Variants in SLC15A2 observed in about 807,000 individuals in gnomAD.
SLC15A2 encodes the protein solute carrier family 15 member 2, also known as kidney H(+)/peptide cotransporter.
SLC15A2 carries 77 observed loss-of-function variants against 95.5 expected under a neutral mutation model. That is an observed-to-expected ratio of 0.81 (90% CI 0.67 to 0.97). SLC15A2 has a LOEUF of 0.97. Among genes scored for constraint, SLC15A2 ranks in the 50% least tolerant of loss-of-function variants. The pLI is 0.00. For synonymous variants in SLC15A2, 306 were observed against 306.9 expected, an observed-to-expected ratio of 1.00 and a Z score of 0.03; for missense variants, 893 against 874.4, an observed-to-expected ratio of 1.02 and a Z score of -0.27.
chr3:121,921,158 A>G (rs1709997651), intron 7 of SLC15A2, among the ~76,000 whole-genome samples: 2 of 152,268 alleles, frequency 1.3e-5, no homozygotes, highest in Admixed American at 1.3e-4. Flanking sequence ...CAAGAACAGA[A>G]ATAGTATAGA....
intron 18 of SLC15A2, 95 bp from the exon 19 acceptor site, chr3:121,931,544 A>C: frequency 1.3e-5 from 9 of 696,336 alleles, no homozygotes; most frequent in Non-Finnish European, 2.0e-5. Context: ...TGCTTTCCTC[A>C]CCATCAGTAG....
At chr3:121,908,798 C>G (rs1709705891) in intron 3 of SLC15A2, among the ~76,000 whole-genome samples, 1 of 152,094 alleles carries the variant, frequency 6.6e-6, no homozygotes, top group Admixed American at 6.5e-5. Context: ...TCCACATTAA[C>G]TTGTTCATGA....
At position 121,942,636 on chromosome 3, in the gene SLC15A2, C is replaced by T. The variant is rs752200009; in HGVS notation, c.*1629C>T. 2 of 152,178 alleles carry T rather than the reference C, an allele frequency of 1.3e-5. No individual in the cohort carries two copies. The highest frequency in any genetic ancestry group is 2.4e-5 in the African/African-American group (1 of 41,438). The allele number at this position is 152,178 out of a possible 1,614,324, so 9.4% of individuals were successfully genotyped here. On this transcript the variant is annotated 3_prime_UTR_variant, in exon 22 of 22. Transcript: ENST00000489711. Reference sequence around the variant, plus strand: ...TCTTGATGTGAACCTGACCCTACTCCTTTAGAAGACAGCCTGTTCATTTTT... The same window carrying T: ...TCTTGATGTGAACCTGACCCTACTCTTTTAGAAGACAGCCTGTTCATTTTT...
intron 8 of SLC15A2, among the ~76,000 whole-genome samples, chr3:121,922,541 G>T (rs540100131): frequency 2.6e-5 from 4 of 152,188 alleles, no homozygotes; most frequent in Non-Finnish European, 4.4e-5. Flanking sequence ...ATTATATATA[G>T]ACAGATAACA....
chr3:121,902,989 A>C (rs554529944), intron 3 of SLC15A2, among the ~76,000 whole-genome samples: 1 of 152,280 alleles, frequency 6.6e-6, no homozygotes, highest in South Asian at 2.1e-4. Context: ...AAGTGTTCCT[A>C]TTTCTCCACA....
rs1274111991 is a variant in SLC15A2, at chr3:121,894,429, C to G, written c.-48C>G. ...GTAGGCTGGCAGCTGTCCTAACTGC[C>G]TACTAAAGCCAAATGCTTGAGGAGA... is the stretch of plus-strand genomic sequence containing the variant. On this transcript the variant is annotated 5_prime_UTR_variant, in exon 1 of 22. Coordinates refer to ENST00000489711, the MANE Select transcript of SLC15A2 (RefSeq NM_021082.4). 1 of 1,500,518 alleles carries G rather than the reference C, an allele frequency of 6.7e-7. No individual in the cohort carries two copies. The highest frequency in any genetic ancestry group is 9.2e-7 in the Non-Finnish European group (1 of 1,087,556). The allele number at this position is 1,500,518 out of a possible 1,614,324, so 93.0% of individuals were successfully genotyped here. A position where few individuals can be genotyped will look rare whatever the true frequency, so the allele number is the denominator to read the frequency against.
At chr3:121,939,560 T>C in intron 20 of SLC15A2, 65 bp downstream of exon 20, 1 of 1,355,756 alleles carries the variant, frequency 7.4e-7, no homozygotes, top group South Asian at 1.7e-5. Context: ...ATTTTAATTC[T>C]AGCACTGACT....
At chr3:121,904,804 A>G (rs1212963790) in intron 3 of SLC15A2, among the ~76,000 whole-genome samples, 1 of 152,198 alleles carries the variant, frequency 6.6e-6, no homozygotes, top group African/African-American at 2.4e-5. Flanking sequence ...ATACTGGTCT[A>G]AAATTCTCTT....
chr3:121,914,878 A>G (rs1429157406), intron 5 of SLC15A2: 6 of 391,442 alleles, frequency 1.5e-5, no homozygotes, highest in Non-Finnish European at 1.8e-5. Flanking sequence ...AAAAAAAACC[A>G]CAAACACACA....
intron 15 of SLC15A2, among the ~76,000 whole-genome samples, 156 bp downstream of exon 15, chr3:121,928,711 T>C (rs548545463): frequency 2.4e-4 from 37 of 152,380 alleles, no homozygotes; most frequent in Non-Finnish European, 3.8e-4. Context: ...TCTATAGATA[T>C]ACCATAGTTT....
Position 121,940,821 on chromosome 3 carries a change from C to A in SLC15A2, c.2014-10C>A. The A allele has an allele frequency of 1.2e-6, 2 of 1,604,096 alleles. No homozygotes were observed. Among genetic ancestry groups the A allele is most frequent in the Non-Finnish European group, 1.7e-6 (2 of 1,176,140 alleles). ...CTCCATATTCTTCTCATATTTATTT[C>A]CCCCTGCAGTGGGCCGAATTCATTT... On this transcript the variant is annotated splice_polypyrimidine_tract_variant and intron_variant, in intron 21 of 21. Coordinates refer to ENST00000489711, the MANE Select transcript of SLC15A2 (RefSeq NM_021082.4).
intron 5 of SLC15A2, 30 bp downstream of exon 5, chr3:121,913,150 G>T (rs377495768): frequency 1.3e-6 from 2 of 1,551,454 alleles, no homozygotes; most frequent in Non-Finnish European, 1.8e-6. Context: ...GTATTTTCAA[G>T]AATATAGAGC....
intron 15 of SLC15A2, 36 bp downstream of exon 15, chr3:121,928,591 A>G: frequency 1.3e-6 from 2 of 1,597,226 alleles, no homozygotes; most frequent in Non-Finnish European, 1.7e-6. Context: ...GAAACTCTGT[A>G]TGCTATATTG....
At chr3:121,932,605 T>C (rs1559853508) in intron 19 of SLC15A2, among the ~76,000 whole-genome samples, 1 of 152,238 alleles carries the variant, frequency 6.6e-6, no homozygotes, top group Admixed American at 6.5e-5. Context: ...TTTAATTTTG[T>C]TATTTCATTA....
intron 20 of SLC15A2, 44 bp from the exon 21 acceptor site, chr3:121,940,340 C>T: frequency 1.4e-6 from 2 of 1,445,994 alleles, no homozygotes; most frequent in Non-Finnish European, 1.9e-6. Context: ...GGCATGAGGG[C>T]AGTGAAGGGG....
chr3:121,900,135 G>A (rs1443929480), intron 3 of SLC15A2, among the ~76,000 whole-genome samples: 1 of 152,152 alleles, frequency 6.6e-6, no homozygotes, highest in Non-Finnish European at 1.5e-5. Flanking sequence ...ATTCTGTGGT[G>A]TGGATATTAG....
At chr3:121,899,239 T>G (rs1218789952) in intron 3 of SLC15A2, among the ~76,000 whole-genome samples, 1 of 152,196 alleles carries the variant, frequency 6.6e-6, no homozygotes, top group Non-Finnish European at 1.5e-5. Context: ...TCCTTCTTGA[T>G]GTATTTATTA....
intron 17 of SLC15A2, among the ~76,000 whole-genome samples, chr3:121,929,761 G>A (rs1710196312): frequency 1.3e-5 from 2 of 152,102 alleles, no homozygotes; most frequent in Non-Finnish European, 2.9e-5. Context: ...GAGGCATCAT[G>A]GTATAGCACA....
chr3:121,898,344 A>G (rs1709460717), intron 3 of SLC15A2, among the ~76,000 whole-genome samples: 2 of 152,078 alleles, frequency 1.3e-5, no homozygotes, highest in African/African-American at 2.4e-5. Context: ...TATGAATCTA[A>G]TATTTTCATG....
Sources: allele counts gnomAD v4.1 joint callset (sites outside exome capture counted in the v4.1 genomes callset), GRCh38; gene constraint gnomAD v4.1.1; transcripts MANE v1.5; gene names NCBI Gene and HGNC (gene_info 2026-07-23, HGNC 2026-07-21).